DYNC1I2: variants seen among roughly 807,000 people sequenced by gnomAD.
The protein encoded by DYNC1I2 is cytoplasmic dynein 1 intermediate chain 2.
A neutral mutation model predicts 88.6 loss-of-function variants in DYNC1I2; 53 were observed. The observed-to-expected ratio is 0.60, with a 90% CI of 0.48 to 0.75. The LOEUF (loss-of-function observed/expected upper bound fraction) is 0.75, where lower values mean the gene tolerates loss of function less well. Among genes scored for constraint, DYNC1I2 ranks in the 30% least tolerant of loss-of-function variants. The probability of loss-of-function intolerance (pLI) is 0.00; values close to 1 mark genes in which losing one functional copy is unlikely to be tolerated. For missense variants in DYNC1I2, 458 were observed against 766.6 expected, an observed-to-expected ratio of 0.60 and a Z score of 4.75; for synonymous variants, 198 against 254.6, an observed-to-expected ratio of 0.78 and a Z score of 2.12.
chr2:171,725,598 G>GTTTTTTTTTTTTTTT lies in DYNC1I2; in HGVS notation c.512-18_512-4dup. ...ATTCTGTTTTTTTGTTTTTTTGTTT[G>GTTTTTTTTTTTTTTT]TTTTTTTTTTTTTTTTCAGATGAAG... On this transcript the variant is annotated intron_variant, in intron 7 of 17. Transcript: ENST00000397119. The GTTTTTTTTTTTTTTT allele has an allele frequency of 1.0e-5, 9 of 894,256 alleles. No individual in the cohort carries two copies. Among genetic ancestry groups the GTTTTTTTTTTTTTTT allele is most frequent in the South Asian group, 7.0e-5 (3 of 42,984 alleles). 55.4% of individuals were successfully genotyped at this position (894,256 alleles called of 1,614,324 possible).
chr2:171,727,462 A>G (rs1008902654), intron 11 of DYNC1I2, among the ~76,000 whole-genome samples: 1 of 152,130 alleles, frequency 6.6e-6, no homozygotes, highest in African/African-American at 2.4e-5. Flanking sequence ...TAAACACTTA[A>G]CTTGAATTAA....
At chr2:171,719,457 G>A (rs1687756859) in intron 7 of DYNC1I2, among the ~76,000 whole-genome samples, 1 of 152,148 alleles carries the variant, frequency 6.6e-6, no homozygotes, top group Non-Finnish European at 1.5e-5. Context: ...TTAATACAGT[G>A]GTTCTCAAAC....
At chr2:171,702,473 C>G (rs997315788) in intron 3 of DYNC1I2, among the ~76,000 whole-genome samples, 8 of 152,102 alleles carry the variant, frequency 5.3e-5, no homozygotes, top group African/African-American at 1.9e-4. Context: ...GCTTTCAAAC[C>G]TTTTTTGACA....
chr2:171,708,092 C>CACAA (rs1308560878), intron 5 of DYNC1I2, among the ~76,000 whole-genome samples: 7 of 151,700 alleles, frequency 4.6e-5, no homozygotes, highest in African/African-American at 1.7e-4. Context: ...CACACACACA[C>CACAA]AAAATAGTGA....
At chr2:171,725,328 T>A (rs574878909) in intron 7 of DYNC1I2, among the ~76,000 whole-genome samples, 1 of 152,314 alleles carries the variant, frequency 6.6e-6, no homozygotes, top group South Asian at 2.1e-4. Flanking sequence ...GTTGCTTATA[T>A]ATCTTATTTC....
At chr2:171,706,989 A>T (rs1418326679) in intron 4 of DYNC1I2, 1 of 497,910 alleles carries the variant, frequency 2.0e-6, no homozygotes, top group African/African-American at 2.0e-5. Context: ...TAGTGGCCAC[A>T]TTTGGTGATG....
intron 7 of DYNC1I2, among the ~76,000 whole-genome samples, chr2:171,724,869 G>A (rs1424199788): frequency 6.6e-6 from 1 of 152,112 alleles, no homozygotes; most frequent in Non-Finnish European, 1.5e-5. Context: ...TTACTTCCTG[G>A]TTTGGGATGT....
intron 7 of DYNC1I2, among the ~76,000 whole-genome samples, chr2:171,716,912 A>C (rs1687536700): frequency 6.6e-6 from 1 of 152,208 alleles, no homozygotes; most frequent in African/African-American, 2.4e-5. Context: ...TTTAAAAAAA[A>C]AAAAAGAAAA....
At chr2:171,741,018 T>G (rs1443274210) in intron 15 of DYNC1I2, among the ~76,000 whole-genome samples, 1 of 152,176 alleles carries the variant, frequency 6.6e-6, no homozygotes, top group Non-Finnish European at 1.5e-5. Flanking sequence ...TCTCTTTGGG[T>G]CTGCCTGTTA....
At chr2:171,693,049 G>A in intron 3 of DYNC1I2, 155 bp downstream of exon 3, 2 of 634,810 alleles carry the variant, frequency 3.2e-6, no homozygotes, top group Non-Finnish European at 5.7e-6. Context: ...TTTCAGATAT[G>A]CTAGTACATG....
chr2:171,732,544 T>A (rs1418520627), intron 15 of DYNC1I2, among the ~76,000 whole-genome samples: 1 of 152,222 alleles, frequency 6.6e-6, no homozygotes, highest in African/African-American at 2.4e-5. Context: ...TTGTTTTATG[T>A]TGTTTTGCTT....
intron 7 of DYNC1I2, among the ~76,000 whole-genome samples, chr2:171,717,141 CTTTTTTTTT>C (rs71013068): frequency 2.9e-5 from 3 of 102,296 alleles, no homozygotes; most frequent in Admixed American, 9.8e-5. Flanking sequence ...CAAGTATTTT[CTTTTTTTTT>C]TTTTTTTTTT....
chr2:171,692,890 C>T lies in DYNC1I2; in HGVS notation c.222C>T (p.Pro74=). ...GCATGGGGCTAACTCCAGAATCCCC[C>T]ATTGGTAAGGTTAAGAATATATCCA... ...LQSMGLTPES[P]IVFSEYWVPP... The change falls in exon 3 of 18, where the codon CCC becomes CCT. Residue 74 remains proline (P), a synonymous_variant. Coordinates refer to ENST00000397119, the MANE Select transcript of DYNC1I2 (RefSeq NM_001378.3). The T allele has an allele frequency of 1.3e-6, 2 of 1,590,250 alleles. No individual in the cohort carries two copies. The highest frequency in any genetic ancestry group is 2.3e-5 in the South Asian group (2 of 87,268).
intron 5 of DYNC1I2, among the ~76,000 whole-genome samples, chr2:171,711,679 C>G (rs574197227): frequency 6.6e-6 from 1 of 152,152 alleles, no homozygotes; most frequent in African/African-American, 2.4e-5. Context: ...CAAGATCTTT[C>G]TTTATATTTT....
At chr2:171,731,862 A>T (rs1688635817) in intron 15 of DYNC1I2, among the ~76,000 whole-genome samples, 1 of 152,214 alleles carries the variant, frequency 6.6e-6, no homozygotes, top group Admixed American at 6.5e-5. Context: ...AATTTGTAAG[A>T]TACATAGTAA....
intron 12 of DYNC1I2, 30 bp from the exon 13 acceptor site, chr2:171,728,275 A>T (rs1163156774): frequency 2.2e-6 from 3 of 1,365,260 alleles, no homozygotes; most frequent in Non-Finnish European, 3.0e-6. Flanking sequence ...TGGTACAATA[A>T]TCCCTGAAAA....
chr2:171,740,289 A>C (rs898044196), intron 15 of DYNC1I2, among the ~76,000 whole-genome samples: 38 of 152,176 alleles, frequency 2.5e-4, no homozygotes, highest in Non-Finnish European at 2.8e-4. Context: ...GGTCATCTGA[A>C]GCTCATTCTA....
intron 7 of DYNC1I2, among the ~76,000 whole-genome samples, chr2:171,719,190 C>G (rs1251097615): frequency 1.5e-5 from 2 of 137,882 alleles, no homozygotes; most frequent in East Asian, 4.4e-4. Flanking sequence ...AAAAAGCATC[C>G]TGATACCATG....
intron 7 of DYNC1I2, among the ~76,000 whole-genome samples, chr2:171,715,691 A>T (rs1027141357): frequency 4.6e-5 from 7 of 152,130 alleles, no homozygotes; most frequent in Admixed American, 4.6e-4. Context: ...TTGTTGACAT[A>T]AATTTAAGTC....
Sources: allele counts gnomAD v4.1 joint callset (sites outside exome capture counted in the v4.1 genomes callset), GRCh38; gene constraint gnomAD v4.1.1; transcripts MANE v1.5; gene names NCBI Gene and HGNC (gene_info 2026-07-23, HGNC 2026-07-21).